ANKS1A: variants seen among roughly 807,000 people sequenced by gnomAD.
ANKS1A encodes ankyrin repeat and sterile alpha motif domain containing 1A, also known as ankyrin repeat and SAM domain-containing protein 1A.
ANKS1A carries 55 observed loss-of-function variants against 120.3 expected under a neutral mutation model. That is an observed-to-expected ratio of 0.46 (90% CI 0.37 to 0.57). The LOEUF is 0.57. ANKS1A is among the 20% of genes least tolerant of loss of function. The pLI is 0.00. For synonymous variants in ANKS1A, 590 were observed against 604.7 expected (o/e 0.98, Z 0.36); for missense variants, 1,123 against 1,480.3 (o/e 0.76, Z 3.96).
intron 1 of ANKS1A, among the ~76,000 whole-genome samples, chr6:34,952,338 A>G (rs1279017629): frequency 6.6e-6 from 1 of 152,238 alleles, no homozygotes; most frequent in Non-Finnish European, 1.5e-5. Flanking sequence ...AAATGACCAT[A>G]TAATGTATTG....
intron 11 of ANKS1A, among the ~76,000 whole-genome samples, chr6:35,046,891 A>G (rs1262608926): frequency 6.6e-6 from 1 of 152,194 alleles, no homozygotes; most frequent in East Asian, 1.9e-4. Flanking sequence ...ACTCCCAGAA[A>G]GTTCCCTAGT....
intron 1 of ANKS1A, among the ~76,000 whole-genome samples, chr6:34,940,455 G>C (rs1769468609): frequency 6.6e-6 from 1 of 152,122 alleles, no homozygotes; most frequent in Non-Finnish European, 1.5e-5. Flanking sequence ...TGAGAATTTG[G>C]AGGAAAAACA....
chr6:35,089,703 G>A lies in ANKS1A; in HGVS notation c.*1094G>A, dbSNP rs924327814. On this transcript the variant is annotated 3_prime_UTR_variant, in exon 24 of 24. Coordinates refer to ENST00000360359, the MANE Select transcript of ANKS1A (RefSeq NM_015245.3). Reference sequence around the variant, plus strand: ...TTGGGGCAGGCTGGCATCCCGGTGCGCCTCTGCTTCTTAAGCTTTCCTGCT... The same window carrying A: ...TTGGGGCAGGCTGGCATCCCGGTGCACCTCTGCTTCTTAAGCTTTCCTGCT... 1.0e-4 allele frequency: 102 copies of A among 992,354 alleles called. 1 individual carries two copies. The highest frequency in any genetic ancestry group is 6.0e-4 in the South Asian group (13 of 21,752). 61.5% of individuals were successfully genotyped at this position (992,354 alleles called of 1,614,324 possible).
At chr6:35,031,432 A>G (rs933836137) in intron 11 of ANKS1A, among the ~76,000 whole-genome samples, 1 of 152,232 alleles carries the variant, frequency 6.6e-6, no homozygotes, top group Admixed American at 6.5e-5. Flanking sequence ...TGAAATCAAT[A>G]GGACAGATAA....
chr6:34,957,651 G>A (rs1770439345), intron 1 of ANKS1A, among the ~76,000 whole-genome samples: 1 of 152,162 alleles, frequency 6.6e-6, no homozygotes, highest in Admixed American at 6.5e-5. Flanking sequence ...TCCCCCTCAA[G>A]TTTATTGCTC....
chr6:35,078,420 C>T, intron 13 of ANKS1A, 138 bp from the exon 14 acceptor site: 1 of 743,814 alleles, frequency 1.3e-6, no homozygotes, highest in South Asian at 1.7e-5. Context: ...GCAGTCTGGG[C>T]AGACTTGTCC....
intron 1 of ANKS1A, among the ~76,000 whole-genome samples, chr6:34,899,484 TAAAAA>T (rs774411353): frequency 2.0e-5 from 3 of 147,722 alleles, no homozygotes; most frequent in Non-Finnish European, 4.5e-5. Context: ...CAGTTTCTAT[TAAAAA>T]AAAAAGTAAT....
chr6:34,923,828 G>A (rs1768563846), intron 1 of ANKS1A, among the ~76,000 whole-genome samples: 1 of 152,148 alleles, frequency 6.6e-6, no homozygotes, highest in Admixed American at 6.5e-5. Flanking sequence ...TGCATGTATT[G>A]TGCCCAATAT....
intron 7 of ANKS1A, 96 bp from the exon 8 acceptor site, chr6:34,984,986 C>G: frequency 8.9e-7 from 1 of 1,119,566 alleles, no homozygotes; most frequent in South Asian, 1.5e-5. Flanking sequence ...TGTTTGTGAG[C>G]GCGGGTGACT....
intron 11 of ANKS1A, among the ~76,000 whole-genome samples, chr6:35,051,099 C>T (rs1336530320): frequency 3.9e-5 from 6 of 151,944 alleles, no homozygotes; most frequent in Admixed American, 1.3e-4. Context: ...GAGGCTGACG[C>T]GGGAGGATCC....
intron 11 of ANKS1A, among the ~76,000 whole-genome samples, chr6:35,025,251 T>TAC (rs3840543): frequency 0.019 from 2,776 of 148,558 alleles, 77 homozygotes; most frequent in African/African-American, 0.059. Flanking sequence ...TATATGTGTA[T>TAC]ACACACACAC....
intron 1 of ANKS1A, among the ~76,000 whole-genome samples, chr6:34,933,517 T>C (rs925504228): frequency 3.3e-5 from 5 of 152,186 alleles, no homozygotes; most frequent in East Asian, 3.9e-4. Context: ...ATTACAGGCA[T>C]GGGCCACCAC....
At chr6:34,927,501 G>A (rs1180134670) in intron 1 of ANKS1A, among the ~76,000 whole-genome samples, 1 of 152,050 alleles carries the variant, frequency 6.6e-6, no homozygotes, top group Non-Finnish European at 1.5e-5. Flanking sequence ...TCTGAGCTGT[G>A]AAATGACCAA....
chr6:34,898,623 CAAAG>C (rs1309860866), intron 1 of ANKS1A, among the ~76,000 whole-genome samples: 2 of 152,010 alleles, frequency 1.3e-5, no homozygotes, highest in African/African-American at 2.4e-5. Context: ...AATTGCAAGA[CAAAG>C]AAATGCACTA....
chr6:34,927,584 G>A (rs530176301), intron 1 of ANKS1A, among the ~76,000 whole-genome samples: 117 of 152,216 alleles, frequency 7.7e-4, no homozygotes, highest in African/African-American at 2.4e-3. Flanking sequence ...GCTGTGGCAC[G>A]GGTCGGAAAG....
At chr6:34,945,830 G>T (rs1244325269) in intron 1 of ANKS1A, among the ~76,000 whole-genome samples, 1 of 152,068 alleles carries the variant, frequency 6.6e-6, no homozygotes, top group African/African-American at 2.4e-5. Context: ...CATAGAGGTT[G>T]TCAAATTTAT....
chr6:35,083,211 C>T lies in ANKS1A; in HGVS notation c.2892C>T (p.Ala964=), dbSNP rs1388702592. The change falls in exon 19 of 24, where the codon GCC becomes GCT. Residue 964 remains alanine (A), a synonymous_variant. Transcript: ENST00000360359. The part of the protein sequence containing the change: ...DLRGTESTQD[A]CAKMRKSTEH... ...GAGGGACAGAATCCACGCAAGACGCCTGTGCCAAGATGCGGGTAGGGTGCC... is the reference window on the plus strand; with the variant it reads ...GAGGGACAGAATCCACGCAAGACGCTTGTGCCAAGATGCGGGTAGGGTGCC... 6.2e-7 allele frequency: 1 copy of T among 1,614,050 alleles called. No homozygotes were observed. The highest frequency in any genetic ancestry group is 8.5e-7 in the Non-Finnish European group (1 of 1,180,044).
At chr6:35,087,428 C>A (rs993354565) in intron 23 of ANKS1A, among the ~76,000 whole-genome samples, 1 of 152,198 alleles carries the variant, frequency 6.6e-6, no homozygotes, top group South Asian at 2.1e-4. Flanking sequence ...GCACTGATAG[C>A]TCCCCAGGGT....
chr6:34,954,577 A>G (rs1770253986), intron 1 of ANKS1A, among the ~76,000 whole-genome samples: 2 of 152,210 alleles, frequency 1.3e-5, no homozygotes, highest in Non-Finnish European at 2.9e-5. Context: ...CACGTGTGCA[A>G]TTAAAATGGA....
Sources: gnomAD v4.1 joint callset for allele counts (sites outside exome capture counted in the v4.1 genomes callset) on GRCh38, gnomAD v4.1.1 for gene constraint, MANE v1.5 for transcripts, NCBI Gene and HGNC (gene_info 2026-07-23, HGNC 2026-07-21) for gene names.